The following PRRX1 variants were observed in gnomAD, a reference collection of about 807,000 sequenced individuals.
The protein encoded by PRRX1 is paired mesoderm homeobox protein 1.
Under a neutral mutation model 24.0 loss-of-function variants are expected in PRRX1, and 8 were observed. The ratio of observed to expected loss-of-function variants is 0.33; its 90% CI spans 0.20 to 0.60. PRRX1 has a LOEUF of 0.60. PRRX1 is among the 20% of genes least tolerant of loss of function. PRRX1 has a pLI of 0.82. For synonymous variants in PRRX1, 160 were observed against 131.7 expected, an observed-to-expected ratio of 1.22 and a Z score of -1.47; for missense variants, 281 against 322.4, an observed-to-expected ratio of 0.87 and a Z score of 0.98.
chr1:170,669,259 C>T (rs1420607617), intron 1 of PRRX1: 2 of 151,702 alleles, frequency 1.3e-5, no homozygotes, highest in Admixed American at 1.3e-4. Context: ...AGACACCTAA[C>T]CCCGGTGCAC....
chr1:170,706,573 T>C (rs766204471), intron 1 of PRRX1, among the ~76,000 whole-genome samples: 2 of 152,222 alleles, frequency 1.3e-5, no homozygotes, highest in African/African-American at 2.4e-5. Context: ...TACCCCATTA[T>C]ATAAAGTTGA....
Position 170,736,033 on chromosome 1 carries a change from C to T in PRRX1, c.600-15C>T. On this transcript the variant is annotated splice_polypyrimidine_tract_variant and intron_variant, in intron 3 of 3. Transcript: ENST00000239461. Reference sequence around the variant, plus strand: ...ATGCCTGTTATTCTCCCTGCTCTCTCCTTTGTCCCTACAGCGCCATGGCTA... The same window carrying T: ...ATGCCTGTTATTCTCCCTGCTCTCTTCTTTGTCCCTACAGCGCCATGGCTA... 1 of 1,613,872 alleles carries T rather than the reference C, an allele frequency of 6.2e-7. No individual in the cohort carries two copies. Among genetic ancestry groups the T allele is most frequent in the Non-Finnish European group, 8.5e-7 (1 of 1,179,776 alleles).
intron 1 of PRRX1, among the ~76,000 whole-genome samples, chr1:170,681,031 CT>C (rs1653487004): frequency 6.6e-6 from 1 of 152,160 alleles, no homozygotes; most frequent in African/African-American, 2.4e-5. Context: ...AACCTTGAGA[CT>C]CAGAAATGAT....
In PRRX1 at chr1:170,736,283, A is replaced by G; in HGVS notation, c.*97A>G. ...CTTCATCTGCTGGGGGGAAAAAGTA[A>G]ATTACAAACAAACAAACAAAGCAGA... On this transcript the variant is annotated 3_prime_UTR_variant, in exon 4 of 4. Coordinates refer to ENST00000239461, the MANE Select transcript of PRRX1 (RefSeq NM_022716.4). 6.7e-7 allele frequency: 1 copy of G among 1,492,120 alleles called. No individual in the cohort carries two copies. Among genetic ancestry groups the G allele is most frequent in the Non-Finnish European group, 9.2e-7 (1 of 1,085,168 alleles). The allele number at this position is 1,492,120 out of a possible 1,614,324, so 92.4% of individuals were successfully genotyped here.
At chr1:170,710,778 A>G in intron 1 of PRRX1, among the ~76,000 whole-genome samples, 1 of 152,184 alleles carries the variant, frequency 6.6e-6, no homozygotes, top group East Asian at 1.9e-4. Context: ...TCTCTGCCAT[A>G]TGAGGATATA....
At chr1:170,690,269 C>T (rs181543910) in intron 1 of PRRX1, among the ~76,000 whole-genome samples, 5 of 152,168 alleles carry the variant, frequency 3.3e-5, no homozygotes, top group East Asian at 1.9e-4. Context: ...AACCCTAAAT[C>T]AGCTGCATGT....
chr1:170,686,539 T>C (rs1379494163), intron 1 of PRRX1, among the ~76,000 whole-genome samples: 1 of 152,148 alleles, frequency 6.6e-6, no homozygotes, highest in African/African-American at 2.4e-5. Context: ...TGATTCAAAT[T>C]CTAGCCTTAG....
chr1:170,736,139 G>A lies in PRRX1; in HGVS notation c.691G>A (p.Ala231Thr). 1.9e-6 allele frequency: 3 copies of A among 1,614,146 alleles called. No homozygotes were observed. Among genetic ancestry groups the A allele is most frequent in the Non-Finnish European group, 2.5e-6 (3 of 1,180,004 alleles). The change falls in exon 4 of 4, where the codon GCC (alanine) becomes ACC (threonine). Residue 231 changes from alanine (A) to threonine (T), a missense_variant. Ala to Thr is a moderately conservative substitution (Grantham distance 58, BLOSUM62 0). Transcript: ENST00000239461. Reference protein sequence around the residue: ...ANSIANLRLKAKEYSLQRNQV... With the variant: ...ANSIANLRLKTKEYSLQRNQV... ...CAGCATTGCCAACCTGAGACTGAAGGCCAAGGAATATAGTTTACAGAGGAA... is the reference window on the plus strand; with the variant it reads ...CAGCATTGCCAACCTGAGACTGAAGACCAAGGAATATAGTTTACAGAGGAA...
intron 1 of PRRX1, among the ~76,000 whole-genome samples, chr1:170,686,386 G>A (rs1296725905): frequency 6.6e-6 from 1 of 152,106 alleles, no homozygotes; most frequent in Non-Finnish European, 1.5e-5. Context: ...GAAGCAGAAG[G>A]GAAGGAAGAG....
intron 1 of PRRX1, among the ~76,000 whole-genome samples, chr1:170,703,693 G>A (rs1363403456): frequency 6.6e-6 from 1 of 151,880 alleles, no homozygotes; most frequent in Non-Finnish European, 1.5e-5. Flanking sequence ...TCAGAACTTG[G>A]GCTCTGTAGC....
chr1:170,664,021 G>C, upstream of PRRX1: 1 of 590,662 alleles, frequency 1.7e-6, no homozygotes, highest in Non-Finnish European at 2.9e-6. Flanking sequence ...CTCTACAGAA[G>C]GGGGTCCCCC....
chr1:170,666,824 T>C (rs974759472), intron 1 of PRRX1, among the ~76,000 whole-genome samples: 1 of 152,022 alleles, frequency 6.6e-6, no homozygotes, highest in South Asian at 2.1e-4. Context: ...GGATTCGTCG[T>C]GGCCTTAGAG....
chr1:170,667,925 G>A (rs920692016), intron 1 of PRRX1: 4 of 151,946 alleles, frequency 2.6e-5, no homozygotes, highest in Non-Finnish European at 5.9e-5. Flanking sequence ...GCCGAATATA[G>A]TTAGAAGGAG....
intron 1 of PRRX1, among the ~76,000 whole-genome samples, chr1:170,697,649 TA>T (rs1418005130): frequency 6.7e-6 from 1 of 148,858 alleles, no homozygotes; most frequent in East Asian, 1.9e-4. Flanking sequence ...ATATTTTATG[TA>T]TCTGTAAATA....
chr1:170,712,134 A>G (rs543590209), intron 1 of PRRX1, among the ~76,000 whole-genome samples: 5 of 152,140 alleles, frequency 3.3e-5, no homozygotes, highest in Admixed American at 6.5e-5. Flanking sequence ...TAGTGAGACT[A>G]CTTGTTAAAG....
chr1:170,666,093 T>C (rs1652917668), intron 1 of PRRX1, among the ~76,000 whole-genome samples: 1 of 152,208 alleles, frequency 6.6e-6, no homozygotes, highest in South Asian at 2.1e-4. Flanking sequence ...ATGATTGTTT[T>C]TAAACGTTTT....
intron 1 of PRRX1, among the ~76,000 whole-genome samples, chr1:170,677,864 G>T (rs900102601): frequency 1.3e-5 from 2 of 152,198 alleles, no homozygotes; most frequent in Non-Finnish European, 2.9e-5. Flanking sequence ...AGTGATTGAA[G>T]AAGACAAATC....
rs1655678543 is a variant in PRRX1, at chr1:170,737,997, A to G, written c.*1811A>G. 7 of 218,490 alleles carry G rather than the reference A, an allele frequency of 3.2e-5. No individual in the cohort carries two copies. In the South Asian group the frequency reaches 1.3e-3, roughly 40 times the overall value. The allele number at this position is 218,490 out of a possible 1,614,324, so 13.5% of individuals were successfully genotyped here. On this transcript the variant is annotated 3_prime_UTR_variant, in exon 4 of 4. Transcript: ENST00000239461. ...AAATGCTACCTTGCTGTACATACTT[A>G]TAACCTTGTATTTGGAAATGAGAAA... is the stretch of plus-strand genomic sequence containing the variant.
intron 3 of PRRX1, among the ~76,000 whole-genome samples, chr1:170,731,397 T>C (rs772455321): frequency 6.6e-6 from 1 of 152,200 alleles, no homozygotes; most frequent in African/African-American, 2.4e-5. Context: ...AGGGTGAAAT[T>C]GTAAACATCT....
Sources: allele counts gnomAD v4.1 joint callset (sites outside exome capture counted in the v4.1 genomes callset), GRCh38; gene constraint gnomAD v4.1.1; transcripts MANE v1.5; gene names NCBI Gene and HGNC (gene_info 2026-07-23, HGNC 2026-07-21).